HSP90AA1: variants seen among roughly 807,000 people sequenced by gnomAD.
HSP90AA1 encodes heat shock protein HSP 90-alpha.
In HSP90AA1, 18 loss-of-function variants were observed where a neutral mutation model predicts 73.3. That is an observed-to-expected ratio of 0.25 (90% CI 0.17 to 0.36). The LOEUF (loss-of-function observed/expected upper bound fraction) is 0.36, where lower values mean the gene tolerates loss of function less well. Ranked by LOEUF, HSP90AA1 falls within the 10% of genes least tolerant of loss-of-function variation. The pLI is 1.00. For missense variants in HSP90AA1, 704 were observed against 874.2 expected, an observed-to-expected ratio of 0.81 and a Z score of 2.45; for synonymous variants, 477 against 296.9, an observed-to-expected ratio of 1.61 and a Z score of -6.24.
At chr14:102,091,938 A>G (rs998901375), upstream of HSP90AA1, among the ~76,000 whole-genome samples, 94 of 152,228 alleles carry the variant, frequency 6.2e-4, no homozygotes, top group African/African-American at 2.2e-3. Flanking sequence ...TGGCTCATTC[A>G]TTTTGATACA....
chr14:102,115,375 G>A (rs1322511762), intron 1 of HSP90AA1, among the ~76,000 whole-genome samples: 1 of 152,072 alleles, frequency 6.6e-6, no homozygotes, highest in Non-Finnish European at 1.5e-5. Context: ...CTGCTAGGAT[G>A]GGAGAAGGAA....
intron 1 of HSP90AA1, among the ~76,000 whole-genome samples, chr14:102,123,547 CT>C (rs997465093): frequency 2.4e-4 from 34 of 141,960 alleles, no homozygotes; most frequent in Admixed American, 6.3e-4. Context: ...TTTTTTTTTT[CT>C]TTTTTTTTTA....
intron 2 of HSP90AA1, among the ~76,000 whole-genome samples, chr14:102,097,012 C>G (rs1246335226): frequency 6.6e-6 from 1 of 151,552 alleles, no homozygotes; most frequent in Non-Finnish European, 1.5e-5. Context: ...TCTTGAGACA[C>G]AGTCTCGCTC....
At chr14:102,098,125 T>G (rs2049447733) in intron 2 of HSP90AA1, among the ~76,000 whole-genome samples, 1 of 152,090 alleles carries the variant, frequency 6.6e-6, no homozygotes, top group Non-Finnish European at 1.5e-5. Context: ...TGGGGGCAAG[T>G]CTCTTCTCTT....
At chr14:102,093,214 A>C (rs1324510114) in intron 2 of HSP90AA1, among the ~76,000 whole-genome samples, 1 of 148,764 alleles carries the variant, frequency 6.7e-6, no homozygotes, top group Non-Finnish European at 1.5e-5. Context: ...ATATATATAT[A>C]TTTAAAAAAA....
intron 6 of HSP90AA1, 67 bp from the exon 7 acceptor site, chr14:102,084,050 C>CA: frequency 1.7e-6 from 2 of 1,199,210 alleles, no homozygotes; most frequent in African/African-American, 1.5e-5. Flanking sequence ...TGTAAACTCC[C>CA]AAAATCAAAG....
At position 102,083,745 on chromosome 14, in the gene HSP90AA1, A is replaced by C. The variant is rs765681875; in HGVS notation, c.1338+48T>G. 1.1e-5 allele frequency: 18 copies of C among 1,596,366 alleles called. No individual in the cohort carries two copies. In the South Asian group the frequency reaches 1.7e-4, roughly 15 times the overall value. On this transcript the variant is annotated intron_variant, in intron 7 of 10. Transcript: ENST00000216281. Reference sequence around the variant, plus strand: ...GACTTTCTGAATTAAAAAAAAAAAAAAAAAACTAAAGAGGCCAATTGGAAA... The same window carrying C: ...GACTTTCTGAATTAAAAAAAAAAAACAAAAACTAAAGAGGCCAATTGGAAA...
chr14:102,102,960 C>A (rs1490223667), intron 1 of HSP90AA1, among the ~76,000 whole-genome samples: 1 of 152,048 alleles, frequency 6.6e-6, no homozygotes, highest in Non-Finnish European at 1.5e-5. Flanking sequence ...GGGCAGATGA[C>A]CTGAGGTCAG....
chr14:102,126,826 C>T (rs1243188959), intron 1 of HSP90AA1, among the ~76,000 whole-genome samples: 1 of 152,206 alleles, frequency 6.6e-6, no homozygotes, highest in Admixed American at 6.6e-5. Context: ...CTGCGCCCGG[C>T]CGACTAGATT....
intron 1 of HSP90AA1, among the ~76,000 whole-genome samples, chr14:102,118,207 C>A (rs2049730703): frequency 6.6e-6 from 1 of 152,210 alleles, no homozygotes; most frequent in African/African-American, 2.4e-5. Context: ...AAAATTCAGA[C>A]AAGGGTGCCA....
intron 1 of HSP90AA1, chr14:102,139,199 C>T (rs1434547014): frequency 1.2e-6 from 2 of 1,607,262 alleles, no homozygotes; most frequent in Non-Finnish European, 1.7e-6. Context: ...TCTCCCCCTA[C>T]CCCGCCTGAA....
chr14:102,105,638 T>C (rs2049557529), intron 1 of HSP90AA1, among the ~76,000 whole-genome samples: 1 of 152,078 alleles, frequency 6.6e-6, no homozygotes, highest in Non-Finnish European at 1.5e-5. Flanking sequence ...ATCTGCAAGG[T>C]GTGGGCTTGC....
chr14:102,110,500 A>T (rs1595672690), intron 1 of HSP90AA1, among the ~76,000 whole-genome samples: 1 of 150,650 alleles, frequency 6.6e-6, no homozygotes, highest in Non-Finnish European at 1.5e-5. Flanking sequence ...ACTCACTGCA[A>T]CCTCTGCCTC....
intron 1 of HSP90AA1, among the ~76,000 whole-genome samples, chr14:102,130,640 C>T (rs1458739491): frequency 1.3e-5 from 2 of 152,172 alleles, no homozygotes; most frequent in Non-Finnish European, 2.9e-5. Context: ...CAGGGTCTTG[C>T]TCTGTTGCTC....
upstream of HSP90AA1, among the ~76,000 whole-genome samples, chr14:102,088,085 C>T (rs922834732): frequency 6.6e-6 from 1 of 151,586 alleles, no homozygotes; most frequent in Non-Finnish European, 1.5e-5. Flanking sequence ...GTAGCTGGGA[C>T]GAGCGTGGGC....
chr14:102,082,453 A>C lies in HSP90AA1; in HGVS notation c.1756-9T>G. The C allele has an allele frequency of 6.2e-7, 1 of 1,603,810 alleles. No homozygotes were observed. ...CGGTTTGACACAACCACCTGTAATC[A>C]AAAAGTGATGACTAGGAACCTAGAA... On this transcript the variant is annotated splice_polypyrimidine_tract_variant and intron_variant, in intron 9 of 10. Transcript: ENST00000216281.
At position 102,122,281 on chromosome 14, in the gene HSP90AA1, C is replaced by CT. The variant is rs35837326; in HGVS notation, c.155+16968dup. On this transcript the variant is annotated intron_variant, in intron 1 of 11. Coordinates refer to the HSP90AA1 transcript ENST00000334701. The stretch of plus-strand genomic sequence containing the variant: ...TTTAGGAAAAGGATCTGTTTAAAGA[C>CT]TTTTTTTTTTTTTTTTTTTGACGGA... Among the ~76,000 whole-genome samples the CT allele has an allele frequency of 3.5e-4, 42 of 118,696 alleles. 1 individual carries two copies. The highest frequency in any genetic ancestry group is 7.8e-4 in the African/African-American group (25 of 32,134). The allele number at this position is 118,696 out of a possible 152,430, so 77.9% of individuals were successfully genotyped here. A position where few individuals can be genotyped will look rare whatever the true frequency, so the allele number is the denominator to read the frequency against.
At chr14:102,139,139 A>G (rs990380670) in intron 1 of HSP90AA1, 5 of 1,306,708 alleles carry the variant, frequency 3.8e-6, no homozygotes. Context: ...CATCACACGC[A>G]GGAATTAGGA....
At position 102,121,189 on chromosome 14, in the gene HSP90AA1, C is replaced by T. The variant is rs996903476; in HGVS notation, c.155+18061G>A. 4.6e-5 allele frequency among the ~76,000 whole-genome samples: 7 copies of T among 152,058 alleles called. No homozygotes were observed. The East Asian group carries it at 1.3e-3, about 29-fold the overall frequency. ...AGTGCTAGGATACAGGTGTGAGCCA[C>T]CACACCAGGCCTGTATTTTTCATTT... On this transcript the variant is annotated intron_variant, in intron 1 of 11. Coordinates refer to the HSP90AA1 transcript ENST00000334701.
Sources: allele counts gnomAD v4.1 joint callset (sites outside exome capture counted in the v4.1 genomes callset), GRCh38; gene constraint gnomAD v4.1.1; transcripts MANE v1.5; gene names NCBI Gene and HGNC (gene_info 2026-07-23, HGNC 2026-07-21).